The following RSPH14 variants were observed in gnomAD, a reference collection of about 807,000 sequenced individuals.
RSPH14 encodes the protein rhabdoid tumor deletion region gene 1.
A neutral mutation model predicts 26.7 loss-of-function variants in RSPH14; 20 were observed. That is an observed-to-expected ratio of 0.75 (90% CI 0.53 to 1.09). The LOEUF is 1.09. RSPH14 is among the 50% of genes least tolerant of loss of function. The pLI is 0.00. For missense variants in RSPH14, 449 were observed against 457.2 expected, an observed-to-expected ratio of 0.98 and a Z score of 0.16; for synonymous variants, 177 against 189.3, an observed-to-expected ratio of 0.93 and a Z score of 0.53.
At chr22:23,091,467 C>A (rs1320135900) in intron 4 of RSPH14, among the ~76,000 whole-genome samples, 2 of 151,800 alleles carry the variant, frequency 1.3e-5, no homozygotes, top group Non-Finnish European at 2.9e-5. Context: ...CATACACACA[C>A]ACACCGCAAT....
the RSPH14 span, among the ~76,000 whole-genome samples, chr22:23,178,554 T>C: frequency 5.2e-3 from 790 of 152,172 alleles, 8 homozygotes; most frequent in Non-Finnish European, 8.1e-3. Flanking sequence ...TGCAGCCTGA[T>C]GGGAAGGGGA....
the RSPH14 span, chr22:23,152,524 C>T: frequency 3.1e-6 from 5 of 1,613,982 alleles, no homozygotes; most frequent in East Asian, 2.2e-5. Context: ...GCCTCATCCA[C>T]AGGTACAAGG....
At chr22:23,073,275 C>G (rs1486949451) in intron 4 of RSPH14, among the ~76,000 whole-genome samples, 1 of 152,246 alleles carries the variant, frequency 6.6e-6, no homozygotes, top group Non-Finnish European at 1.5e-5. Flanking sequence ...CCTGTGAGCA[C>G]TGTGCTTGGC....
At chr22:23,079,864 T>C (rs2068625998) in intron 4 of RSPH14, among the ~76,000 whole-genome samples, 1 of 152,152 alleles carries the variant, frequency 6.6e-6, no homozygotes, top group African/African-American at 2.4e-5. Context: ...GCTGGGCATG[T>C]AGTGGACACC....
chr22:23,141,556 G>A (rs1015259847), intron 1 of RSPH14, among the ~76,000 whole-genome samples: 1 of 152,132 alleles, frequency 6.6e-6, no homozygotes, highest in African/African-American at 2.4e-5. Context: ...ACGAATACAC[G>A]TAAGCCTGGC....
At chr22:23,153,682 C>G in the RSPH14 span, 2 of 692,390 alleles carry the variant, frequency 2.9e-6, no homozygotes, top group Non-Finnish European at 3.5e-6. Flanking sequence ...CACTTTCCTT[C>G]CACTTCTGTC....
At chr22:23,111,085 C>G (rs376230347) in intron 4 of RSPH14, among the ~76,000 whole-genome samples, 1 of 152,214 alleles carries the variant, frequency 6.6e-6, no homozygotes, top group Non-Finnish European at 1.5e-5. Flanking sequence ...GGGGCCTGCG[C>G]GCCTTCCCTG....
At chr22:23,162,644 A>G in the RSPH14 span, 5 of 456,242 alleles carry the variant, frequency 1.1e-5, no homozygotes, top group South Asian at 7.7e-5. Context: ...GGGTTTTCTC[A>G]CTGCTATGAA....
intron 4 of RSPH14, among the ~76,000 whole-genome samples, chr22:23,074,607 C>G (rs1392470260): frequency 6.6e-6 from 1 of 152,082 alleles, no homozygotes; most frequent in Admixed American, 6.5e-5. Context: ...CGTGAGGTCA[C>G]TTAGGGATCA....
chr22:23,081,324 AGTT>A (rs2068671853), intron 4 of RSPH14, among the ~76,000 whole-genome samples: 1 of 152,190 alleles, frequency 6.6e-6, no homozygotes, highest in Non-Finnish European at 1.5e-5. Context: ...ATTTAGGAAG[AGTT>A]TGTGTCTCTG....
At chr22:23,138,617 A>G (rs2070524374) in intron 3 of RSPH14, among the ~76,000 whole-genome samples, 1 of 152,156 alleles carries the variant, frequency 6.6e-6, no homozygotes, top group African/African-American at 2.4e-5. Flanking sequence ...TGGAACTAAC[A>G]TAAAATAAAT....
the RSPH14 span, among the ~76,000 whole-genome samples, chr22:23,165,523 C>G: frequency 1.3e-5 from 2 of 152,248 alleles, no homozygotes; most frequent in Admixed American, 6.5e-5. Context: ...GGGAAGGACA[C>G]TTCATGCCAG....
chr22:23,146,489 G>T, upstream of RSPH14: 1 of 1,436,316 alleles, frequency 7.0e-7, no homozygotes, highest in East Asian at 2.7e-5. Flanking sequence ...TGGGATTACA[G>T]GCATGAGCCA....
chr22:23,164,572 T>A, the RSPH14 span, among the ~76,000 whole-genome samples: 139,617 of 152,206 alleles, frequency 0.92, 64,207 homozygotes, highest in African/African-American at 0.98. Flanking sequence ...CATTTCCTTC[T>A]TTCCCAGCAT....
At chr22:23,134,172 T>G (rs765578172) in intron 3 of RSPH14, 28 bp from the exon 4 acceptor site, 1 of 1,539,690 alleles carries the variant, frequency 6.5e-7, no homozygotes, top group East Asian at 2.3e-5. Flanking sequence ...GACAGTGACA[T>G]AAGTGAGACC....
intron 4 of RSPH14, among the ~76,000 whole-genome samples, chr22:23,083,616 C>T (rs1282102441): frequency 6.6e-6 from 1 of 152,020 alleles, no homozygotes; most frequent in Non-Finnish European, 1.5e-5. Context: ...GCGGTGGGTA[C>T]CCTGGGGAAA....
At chr22:23,158,863 G>A in the RSPH14 span, 1 of 1,589,210 alleles carries the variant, frequency 6.3e-7, no homozygotes, top group Non-Finnish European at 8.6e-7. Context: ...GTGGGAGGAT[G>A]GGTGAATCTC....
chr22:23,146,712 T>C, upstream of RSPH14: 3 of 1,610,918 alleles, frequency 1.9e-6, no homozygotes, highest in Non-Finnish European at 2.5e-6. Flanking sequence ...TCTGCAGTGC[T>C]CTCCTGGCCC....
At chr22:23,075,363 G>A (rs1021183703) in intron 4 of RSPH14, among the ~76,000 whole-genome samples, 2 of 152,192 alleles carry the variant, frequency 1.3e-5, no homozygotes, top group African/African-American at 4.8e-5. Flanking sequence ...TTCACTAAAT[G>A]TCTTGCTTCT....
Sources: allele counts gnomAD v4.1 joint callset (sites outside exome capture counted in the v4.1 genomes callset), GRCh38; gene constraint gnomAD v4.1.1; transcripts MANE v1.5; gene names NCBI Gene and HGNC (gene_info 2026-07-23, HGNC 2026-07-21).